HOOK1: variants seen among roughly 807,000 people sequenced by gnomAD.
HOOK1 encodes protein Hook homolog 1.
A neutral mutation model predicts 112.8 loss-of-function variants in HOOK1; 60 were observed. The observed-to-expected ratio is 0.53, with a 90% confidence interval of 0.43 to 0.66. The LOEUF (loss-of-function observed/expected upper bound fraction) is 0.66. HOOK1 is among the 30% of genes least tolerant of loss of function. HOOK1 has a pLI of 0.00. For synonymous variants in HOOK1, 294 were observed against 283.8 expected (o/e 1.04, Z -0.36); for missense variants, 770 against 856.0 (o/e 0.90, Z 1.25).
At chr1:59,853,143 GT>G (rs1180843021) in intron 12 of HOOK1, among the ~76,000 whole-genome samples, 1 of 151,968 alleles carries the variant, frequency 6.6e-6, no homozygotes, top group Non-Finnish European at 1.5e-5. Context: ...GGTCTAGTTG[GT>G]TTATAATATT....
rs369234127 is a variant in HOOK1 at position 59,876,174 on chromosome 1, A to G, written c.*3209A>G. 6.5e-6 allele frequency: 1 copy of G among 152,792 alleles called. No individual in the cohort carries two copies. The allele number at this position is 152,792 out of a possible 1,614,324, so 9.5% of individuals were successfully genotyped here. ...TAAAAGAGTGTGGAGTTATTAAATG[A>G]TGTAGCACAAATGTAATGTTTAGCT... On this transcript the variant is annotated 3_prime_UTR_variant, in exon 22 of 22. Coordinates refer to ENST00000371208, the MANE Select transcript of HOOK1 (RefSeq NM_015888.6).
chr1:59,871,982 T>C (rs934655074), intron 21 of HOOK1, among the ~76,000 whole-genome samples: 2 of 152,224 alleles, frequency 1.3e-5, no homozygotes, highest in African/African-American at 4.8e-5. Flanking sequence ...GTCATCCTAG[T>C]TGAGATCAGT....
chr1:59,829,237 G>A (rs2098392118), intron 3 of HOOK1, among the ~76,000 whole-genome samples: 1 of 151,954 alleles, frequency 6.6e-6, no homozygotes, highest in Non-Finnish European at 1.5e-5. Context: ...TGCATTAGTA[G>A]TTATTTCTTT....
chr1:59,846,439 C>A (rs930810993), intron 9 of HOOK1, among the ~76,000 whole-genome samples: 30 of 151,390 alleles, frequency 2.0e-4, no homozygotes, highest in African/African-American at 7.3e-4. Context: ...ATTTAAATTT[C>A]TCTCCTTTTT....
At chr1:59,839,264 T>C (rs1039060747) in intron 7 of HOOK1, among the ~76,000 whole-genome samples, 1 of 152,096 alleles carries the variant, frequency 6.6e-6, no homozygotes, top group Non-Finnish European at 1.5e-5. Flanking sequence ...TGGGGATAGC[T>C]TTGAATCTAT....
intron 7 of HOOK1, among the ~76,000 whole-genome samples, chr1:59,838,477 GC>G (rs2098399207): frequency 6.6e-6 from 1 of 152,096 alleles, no homozygotes; most frequent in Admixed American, 6.5e-5. Context: ...ATGTCCGTTC[GC>G]TGCATAAATG....
chr1:59,832,327 AT>A, intron 4 of HOOK1, 114 bp downstream of exon 4: 1 of 654,476 alleles, frequency 1.5e-6, no homozygotes, highest in Non-Finnish European at 2.7e-6. Context: ...GTAAGTCATA[AT>A]TAGAACATGT....
At chr1:59,843,040 T>C (rs2098401798) in intron 8 of HOOK1, among the ~76,000 whole-genome samples, 2 of 151,954 alleles carry the variant, frequency 1.3e-5, no homozygotes, top group South Asian at 4.1e-4. Context: ...AACATATGTG[T>C]GTATATTTTG....
At chr1:59,846,558 CCTTCCTTCCTTCCTTCCTT>C (rs1559053073) in intron 9 of HOOK1, among the ~76,000 whole-genome samples, 7 of 59,834 alleles carry the variant, frequency 1.2e-4, no homozygotes, top group African/African-American at 2.2e-4. Context: ...TTCCTTCCTT[CCTTCCTTCCTTCCTTCCTT>C]CCTTCCTTCC....
chr1:59,871,172 C>T (rs1644050248), intron 21 of HOOK1, 62 bp downstream of exon 21: 2 of 1,017,272 alleles, frequency 2.0e-6, no homozygotes, highest in Non-Finnish European at 3.1e-6. Flanking sequence ...TTTTTTTGAC[C>T]AAGTACAACA....
rs569800852 is a variant in HOOK1 at position 59,875,442 on chromosome 1, A to G, written c.*2477A>G. The G allele has an allele frequency of 6.5e-6, 1 of 152,734 alleles. No individual in the cohort carries two copies. The highest frequency in any genetic ancestry group is 2.4e-5 in the African/African-American group (1 of 41,594). The allele number at this position is 152,734 out of a possible 1,614,324, so 9.5% of individuals were successfully genotyped here. A position where few individuals can be genotyped will look rare whatever the true frequency, so the allele number is the denominator to read the frequency against. On this transcript the variant is annotated 3_prime_UTR_variant, in exon 22 of 22. Coordinates refer to ENST00000371208, the MANE Select transcript of HOOK1 (RefSeq NM_015888.6). ...TAATCATACAGAAATTCAGGAACTGATCAGAAGTGAGATTCTTTTCCACAT... is the reference window on the plus strand; with the variant it reads ...TAATCATACAGAAATTCAGGAACTGGTCAGAAGTGAGATTCTTTTCCACAT...
At chr1:59,850,339 G>T (rs2098406473) in intron 12 of HOOK1, among the ~76,000 whole-genome samples, 2 of 150,726 alleles carry the variant, frequency 1.3e-5, no homozygotes, top group Admixed American at 1.3e-4. Context: ...CTTTCTTGAT[G>T]ATATAGTTTG....
At chr1:59,836,259 A>C (rs1026688719) in intron 6 of HOOK1, among the ~76,000 whole-genome samples, 2 of 152,152 alleles carry the variant, frequency 1.3e-5, no homozygotes, top group Non-Finnish European at 2.9e-5. Context: ...TTGATTCTTA[A>C]TATCAGCCTA....
At chr1:59,817,769 A>G (rs571304364) in intron 1 of HOOK1, among the ~76,000 whole-genome samples, 1 of 152,192 alleles carries the variant, frequency 6.6e-6, no homozygotes, top group East Asian at 1.9e-4. Context: ...TGTTACAACC[A>G]TTTCTAAAGT....
intron 21 of HOOK1, 24 bp downstream of exon 21, chr1:59,871,134 T>C: frequency 7.7e-6 from 12 of 1,559,028 alleles, no homozygotes; most frequent in Middle Eastern, 3.4e-4. Context: ...CAGCAAATGA[T>C]TGGATGAGAA....
chr1:59,860,608 A>G (rs1156768335), intron 15 of HOOK1, among the ~76,000 whole-genome samples: 2 of 151,834 alleles, frequency 1.3e-5, no homozygotes, highest in African/African-American at 2.4e-5. Flanking sequence ...TTTTTGAGAC[A>G]GGGTCTCCCT....
At position 59,821,850 on chromosome 1, in the gene HOOK1, C is replaced by A. The variant is rs1338871615; in HGVS notation, c.64-8C>A. 1 of 1,575,382 alleles carries A rather than the reference C, an allele frequency of 6.3e-7. No individual in the cohort carries two copies. Among genetic ancestry groups the A allele is most frequent in the South Asian group, 1.2e-5 (1 of 84,902 alleles). On this transcript the variant is annotated splice_polypyrimidine_tract_variant and splice_region_variant and intron_variant, in intron 1 of 21. Coordinates refer to ENST00000371208, the MANE Select transcript of HOOK1 (RefSeq NM_015888.6). ...AGCAGTAAGATCATTTGATTTATGT[C>A]ATTTTAGCTGCAGACATTCAATACT... is the stretch of plus-strand genomic sequence containing the variant.
chr1:59,851,832 T>A (rs1380428003), intron 12 of HOOK1, among the ~76,000 whole-genome samples: 1 of 151,694 alleles, frequency 6.6e-6, no homozygotes, highest in African/African-American at 2.4e-5. Context: ...CTCTACAAGG[T>A]TGAAGAATTT....
intron 16 of HOOK1, among the ~76,000 whole-genome samples, chr1:59,863,441 C>T (rs1056042392): frequency 3.3e-5 from 5 of 152,040 alleles, no homozygotes; most frequent in African/African-American, 9.7e-5. Flanking sequence ...ATGGCCTTAC[C>T]GTTTTCTGAT....
Sources: gnomAD v4.1 joint callset for allele counts (sites outside exome capture counted in the v4.1 genomes callset) on GRCh38, gnomAD v4.1.1 for gene constraint, MANE v1.5 for transcripts, NCBI Gene and HGNC (gene_info 2026-07-23, HGNC 2026-07-21) for gene names.